NSMCE2: variants seen among roughly 807,000 people sequenced by gnomAD.
The protein encoded by NSMCE2 is NSE2 SUMO ligase component of SMC5/6 complex, also known as E3 SUMO-protein ligase NSE2.
Under a neutral mutation model 23.8 loss-of-function variants are expected in NSMCE2, and 24 were observed. The ratio of observed to expected loss-of-function variants is 1.01; its 90% CI spans 0.73 to 1.42. The LOEUF (loss-of-function observed/expected upper bound fraction) is 1.42, where lower values mean the gene tolerates loss of function less well. Ranked by LOEUF, NSMCE2 falls within the 40% of genes most tolerant of loss-of-function variation. The probability of loss-of-function intolerance (pLI) is 0.00; values close to 1 mark genes in which losing one functional copy is unlikely to be tolerated. For synonymous variants in NSMCE2, 92 were observed against 94.1 expected (o/e 0.98, Z 0.13); for missense variants, 284 against 296.5 (o/e 0.96, Z 0.31).
intron 5 of NSMCE2, among the ~76,000 whole-genome samples, chr8:125,232,348 AG>A (rs1319704135): frequency 3.3e-5 from 5 of 151,630 alleles, no homozygotes; most frequent in African/African-American, 1.2e-4. Flanking sequence ...GGGCAACAAG[AG>A]TGAAACTCCG....
intron 5 of NSMCE2, among the ~76,000 whole-genome samples, chr8:125,310,700 T>C (rs1828944634): frequency 1.3e-5 from 2 of 152,160 alleles, no homozygotes; most frequent in South Asian, 2.1e-4. Flanking sequence ...CAAGACCAAA[T>C]GTGAACAGAG....
At chr8:125,305,014 AGAAG>A (rs1249134049) in intron 5 of NSMCE2, among the ~76,000 whole-genome samples, 5 of 151,902 alleles carry the variant, frequency 3.3e-5, no homozygotes, top group African/African-American at 4.8e-5. Context: ...AAGGAAAGAA[AGAAG>A]GAAGGAAAGA....
chr8:125,222,471 G>A (rs951727725), intron 5 of NSMCE2, among the ~76,000 whole-genome samples: 2 of 152,076 alleles, frequency 1.3e-5, no homozygotes, highest in South Asian at 2.1e-4. Context: ...TACTCCTCCC[G>A]TCTAACTGAA....
intron 5 of NSMCE2, among the ~76,000 whole-genome samples, chr8:125,286,828 T>G (rs1167457705): frequency 6.7e-6 from 1 of 150,304 alleles, no homozygotes; most frequent in African/African-American, 2.5e-5. Context: ...CCAGCAAACC[T>G]GGGACTTCAA....
chr8:125,199,007 T>C (rs1823750121), intron 5 of NSMCE2, among the ~76,000 whole-genome samples: 1 of 152,202 alleles, frequency 6.6e-6, no homozygotes, highest in Non-Finnish European at 1.5e-5. Context: ...GATGGTAGTT[T>C]GTATTTCTGT....
chr8:125,275,703 G>C (rs777728405), intron 5 of NSMCE2, among the ~76,000 whole-genome samples: 9 of 152,160 alleles, frequency 5.9e-5, no homozygotes, highest in Admixed American at 2.6e-4. Context: ...GTCACCTAAT[G>C]TGTTTTCGAT....
At chr8:125,176,688 C>CGCTT (rs1822514005) in intron 4 of NSMCE2, among the ~76,000 whole-genome samples, 1 of 152,078 alleles carries the variant, frequency 6.6e-6, no homozygotes, top group African/African-American at 2.4e-5. Context: ...GACAGGTGAG[C>CGCTT]GCTTTATTGC....
At chr8:125,266,704 G>A (rs2131069410) in intron 5 of NSMCE2, among the ~76,000 whole-genome samples, 1 of 152,274 alleles carries the variant, frequency 6.6e-6, no homozygotes, top group South Asian at 2.1e-4. Flanking sequence ...ACCTGTTGGG[G>A]ATGAATAGCA....
chr8:125,101,885 T>C (rs542724893), intron 1 of NSMCE2, 166 bp from the exon 2 acceptor site: 1 of 153,732 alleles, frequency 6.5e-6, no homozygotes, highest in African/African-American at 2.4e-5. Context: ...TATGCATATA[T>C]GTTGGATAGT....
At chr8:125,099,999 G>A (rs1818107480) in intron 1 of NSMCE2, among the ~76,000 whole-genome samples, 2 of 151,944 alleles carry the variant, frequency 1.3e-5, no homozygotes, top group South Asian at 4.2e-4. Context: ...GGGAGGGAGG[G>A]ATAGGATCTA....
intron 5 of NSMCE2, among the ~76,000 whole-genome samples, chr8:125,353,906 T>A (rs999653927): frequency 1.4e-4 from 21 of 148,044 alleles, no homozygotes; most frequent in African/African-American, 5.2e-4. Flanking sequence ...ATAAAAAATA[T>A]ATATATATAT....
chr8:125,152,700 T>A (rs939954912), intron 4 of NSMCE2, among the ~76,000 whole-genome samples: 13 of 152,182 alleles, frequency 8.5e-5, no homozygotes, highest in African/African-American at 3.1e-4. Flanking sequence ...AAGAACGTTA[T>A]GTTGATTTTT....
chr8:125,338,629 C>A (rs1830137973), intron 5 of NSMCE2, among the ~76,000 whole-genome samples: 1 of 152,180 alleles, frequency 6.6e-6, no homozygotes, highest in African/African-American at 2.4e-5. Flanking sequence ...TTAGCAATTA[C>A]AGCTAACATC....
chr8:125,156,816 G>A (rs950651642), intron 4 of NSMCE2, among the ~76,000 whole-genome samples: 1 of 152,104 alleles, frequency 6.6e-6, no homozygotes, highest in Non-Finnish European at 1.5e-5. Flanking sequence ...TTTTGACATA[G>A]CACTTCCCTG....
chr8:125,175,372 A>G (rs1822433781), intron 4 of NSMCE2, among the ~76,000 whole-genome samples: 1 of 152,184 alleles, frequency 6.6e-6, no homozygotes, highest in Non-Finnish European at 1.5e-5. Flanking sequence ...TTAGATCACT[A>G]TGAATTAAAA....
intron 5 of NSMCE2, among the ~76,000 whole-genome samples, chr8:125,334,097 C>T (rs578137198): frequency 3.3e-5 from 5 of 152,286 alleles, no homozygotes; most frequent in African/African-American, 1.2e-4. Context: ...AACTCCTGAC[C>T]TTAAAGGGCC....
chr8:125,139,204 T>G (rs1298210572), intron 3 of NSMCE2, among the ~76,000 whole-genome samples: 1 of 152,182 alleles, frequency 6.6e-6, no homozygotes, highest in Non-Finnish European at 1.5e-5. Context: ...GAGTAGAAGT[T>G]TGTAAAAGCT....
At chr8:125,167,779 T>A (rs1268674131) in intron 4 of NSMCE2, among the ~76,000 whole-genome samples, 1 of 152,134 alleles carries the variant, frequency 6.6e-6, no homozygotes, top group Non-Finnish European at 1.5e-5. Context: ...TTTTTTTATT[T>A]TAGGAAACAT....
rs910274263 is a variant in NSMCE2, at chr8:125,193,175, A to G, written c.418+10919A>G. Among the ~76,000 whole-genome samples, 6 of 152,226 alleles carry G rather than the reference A, an allele frequency of 3.9e-5. No individual in the cohort carries two copies. The East Asian group carries it at 7.7e-4, about 20-fold the overall frequency. ...CAGGGTATAAAGTTGAGTATTCAGT[A>G]TGATTACAAGTAGGTTAACTACACA... On this transcript the variant is annotated intron_variant, in intron 5 of 7. Coordinates refer to ENST00000287437, the MANE Select transcript of NSMCE2 (RefSeq NM_173685.4).
Sources: allele counts gnomAD v4.1 joint callset (sites outside exome capture counted in the v4.1 genomes callset), GRCh38; gene constraint gnomAD v4.1.1; transcripts MANE v1.5; gene names NCBI Gene and HGNC (gene_info 2026-07-23, HGNC 2026-07-21).